RFC3: variants seen among roughly 807,000 people sequenced by gnomAD.
RFC3 encodes the protein replication factor C subunit 3, also known as A1 38 kDa subunit.
Under a neutral mutation model 45.1 loss-of-function variants are expected in RFC3, and 41 were observed. That is an observed-to-expected ratio of 0.91 (90% CI 0.71 to 1.18). The LOEUF is 1.18. Ranked by LOEUF, RFC3 falls within the 50% of genes most tolerant of loss-of-function variation. The pLI, the probability that RFC3 is intolerant of heterozygous loss-of-function variation, is 0.00. For synonymous variants in RFC3, 149 were observed against 144.0 expected, an observed-to-expected ratio of 1.03 and a Z score of -0.25; for missense variants, 423 against 428.1, an observed-to-expected ratio of 0.99 and a Z score of 0.10.
At chr13:33,970,139 A>G (rs1474114280), downstream of RFC3, among the ~76,000 whole-genome samples, 1 of 151,902 alleles carries the variant, frequency 6.6e-6, no homozygotes, top group Non-Finnish European at 1.5e-5. Context: ...CTAAATGTTC[A>G]TGTGTTCTCA....
At chr13:33,926,489 T>TA (rs1360990214) in intron 8 of RFC3, among the ~76,000 whole-genome samples, 1 of 152,182 alleles carries the variant, frequency 6.6e-6, no homozygotes, top group Admixed American at 6.6e-5. Context: ...TAAATATTCT[T>TA]ATCTAGCTAC....
At chr13:33,819,258 T>C (rs1228294271) in intron 1 of RFC3, among the ~76,000 whole-genome samples, 1 of 152,178 alleles carries the variant, frequency 6.6e-6, no homozygotes, top group Non-Finnish European at 1.5e-5. Flanking sequence ...TTGTAGTTGA[T>C]AAAAGTGCCC....
chr13:33,952,101 A>G (rs1460003266), intron 8 of RFC3, among the ~76,000 whole-genome samples: 4 of 152,240 alleles, frequency 2.6e-5, no homozygotes, highest in Admixed American at 1.3e-4. Context: ...TGGTGCCACA[A>G]GAGATTCTGA....
intron 8 of RFC3, chr13:33,850,815 T>C (rs1020238863): frequency 1.3e-5 from 2 of 152,210 alleles, no homozygotes; most frequent in Non-Finnish European, 2.9e-5. Flanking sequence ...TAATAAAGGA[T>C]TTGAAAACTT....
At chr13:33,840,432 A>G (rs193099502), downstream of RFC3, among the ~76,000 whole-genome samples, 275 of 152,194 alleles carry the variant, frequency 1.8e-3, no homozygotes, top group Non-Finnish European at 3.0e-3. Flanking sequence ...TCTGCTTATT[A>G]TATCTGTCAT....
chr13:33,879,827 T>C (rs2082471235), intron 8 of RFC3, among the ~76,000 whole-genome samples: 1 of 152,200 alleles, frequency 6.6e-6, no homozygotes, highest in African/African-American at 2.4e-5. Context: ...CAGGGTTCTG[T>C]TCCTTTTTGG....
chr13:33,860,913 A>AT (rs199702942), intron 8 of RFC3, among the ~76,000 whole-genome samples: 2,163 of 55,194 alleles, frequency 0.039, 50 homozygotes, highest in African/African-American at 0.067. Flanking sequence ...ATATATATAT[A>AT]TATTTTTTTA....
chr13:33,950,072 T>TAA (rs2082979502), intron 8 of RFC3, among the ~76,000 whole-genome samples: 1 of 144,840 alleles, frequency 6.9e-6, no homozygotes, highest in South Asian at 2.3e-4. Flanking sequence ...TCTCTCGCTC[T>TAA]ACACACACAC....
chr13:33,894,986 G>A (rs934333285), intron 8 of RFC3, among the ~76,000 whole-genome samples: 9 of 152,078 alleles, frequency 5.9e-5, no homozygotes, highest in African/African-American at 1.2e-4. Context: ...ATCTCTCATC[G>A]TATACAAAAA....
At chr13:33,963,560 CA>C (rs1478939032) in intron 8 of RFC3, among the ~76,000 whole-genome samples, 1 of 151,746 alleles carries the variant, frequency 6.6e-6, no homozygotes, top group Non-Finnish European at 1.5e-5. Flanking sequence ...AGACTCCAGA[CA>C]CACCTTTCCC....
chr13:33,844,321 A>C (rs1566391421), intron 8 of RFC3, among the ~76,000 whole-genome samples: 1 of 152,166 alleles, frequency 6.6e-6, no homozygotes, highest in Non-Finnish European at 1.5e-5. Flanking sequence ...TTCAGGCTAA[A>C]TGCCTTAAAA....
At chr13:33,962,958 T>A (rs2137870217) in intron 8 of RFC3, among the ~76,000 whole-genome samples, 1 of 152,242 alleles carries the variant, frequency 6.6e-6, no homozygotes, top group South Asian at 2.1e-4. Flanking sequence ...GAGAGACCCT[T>A]TGTCAAATGA....
intron 8 of RFC3, among the ~76,000 whole-genome samples, chr13:33,855,831 C>T (rs1433067553): frequency 1.3e-5 from 2 of 151,908 alleles, no homozygotes; most frequent in African/African-American, 4.8e-5. Context: ...TTGTTTTTGT[C>T]TTGTAAATTT....
At chr13:33,865,193 A>C (rs12583413) in intron 8 of RFC3, among the ~76,000 whole-genome samples, 1 of 152,190 alleles carries the variant, frequency 6.6e-6, no homozygotes, top group African/African-American at 2.4e-5. Flanking sequence ...TTCACAGTGC[A>C]CAGTAATCCT....
intron 8 of RFC3, among the ~76,000 whole-genome samples, chr13:33,949,324 G>C (rs1308930990): frequency 6.6e-6 from 1 of 152,138 alleles, no homozygotes; most frequent in African/African-American, 2.4e-5. Context: ...CAGTGATGCG[G>C]AACTGTGAGT....
At chr13:33,920,158 T>C (rs891754880) in intron 8 of RFC3, among the ~76,000 whole-genome samples, 9 of 152,128 alleles carry the variant, frequency 5.9e-5, no homozygotes, top group African/African-American at 2.2e-4. Context: ...CAATAAATTT[T>C]TAGCATCCTT....
chr13:33,866,508 G>A (rs1344278840), intron 8 of RFC3, among the ~76,000 whole-genome samples: 1 of 152,178 alleles, frequency 6.6e-6, no homozygotes, highest in Non-Finnish European at 1.5e-5. Flanking sequence ...ATCTCTAGGT[G>A]TTGCAAAGAG....
intron 7 of RFC3, among the ~76,000 whole-genome samples, chr13:33,833,714 A>G (rs188904804): frequency 6.6e-6 from 1 of 152,302 alleles, no homozygotes; most frequent in East Asian, 1.9e-4. Flanking sequence ...TTCATACCAT[A>G]TGAAATTATT....
intron 8 of RFC3, among the ~76,000 whole-genome samples, chr13:33,964,479 GA>G (rs2083075869): frequency 6.6e-6 from 1 of 152,158 alleles, no homozygotes; most frequent in Non-Finnish European, 1.5e-5. Flanking sequence ...TCACAAGGTT[GA>G]TTTTGAAAAT....
Sources: allele counts gnomAD v4.1 joint callset (sites outside exome capture counted in the v4.1 genomes callset), GRCh38; gene constraint gnomAD v4.1.1; transcripts MANE v1.5; gene names NCBI Gene and HGNC (gene_info 2026-07-23, HGNC 2026-07-21).